Variants in FCGR2B observed in about 807,000 individuals in gnomAD.
FCGR2B encodes the protein Fc gamma receptor IIb.
Under a neutral mutation model 24.8 loss-of-function variants are expected in FCGR2B, and 18 were observed. The observed-to-expected ratio is 0.73, with a 90% CI of 0.50 to 1.08. FCGR2B has a LOEUF of 1.08. FCGR2B is among the 50% of genes least tolerant of loss of function. The pLI is 0.00. For synonymous variants in FCGR2B, 79 were observed against 109.8 expected (o/e 0.72, Z 1.75); for missense variants, 215 against 297.6 (o/e 0.72, Z 2.04).
rs1328570791 is a variant in FCGR2B at position 161,677,620 on chromosome 1, T to C, written c.*67T>C. On this transcript the variant is annotated 3_prime_UTR_variant, in exon 8 of 8. Transcript: ENST00000358671. ...AGGGAAGATCTGGTATTTCCTGGCC[T>C]AAATTCCCCTTGGGGAGGACAGGGA... The C allele has an allele frequency of 6.2e-6, 8 of 1,287,882 alleles. No individual in the cohort carries two copies. The highest frequency in any genetic ancestry group is 8.9e-6 in the Non-Finnish European group (8 of 895,744). The allele number at this position is 1,287,882 out of a possible 1,614,324, so 79.8% of individuals were successfully genotyped here.
chr1:161,653,074 T>A, the FCGR2B span, among the ~76,000 whole-genome samples: 5 of 134,066 alleles, frequency 3.7e-5, no homozygotes, highest in African/African-American at 1.3e-4. Flanking sequence ...GTTTATCTGT[T>A]GTGAAATTGC....
At chr1:161,671,309 G>A (rs1488364103) in intron 2 of FCGR2B, 83 bp from the exon 3 acceptor site, 1 of 1,606,696 alleles carries the variant, frequency 6.2e-7, no homozygotes, top group South Asian at 1.1e-5. Flanking sequence ...TAGGCCTACA[G>A]GTGCTTTTTT....
the FCGR2B span, among the ~76,000 whole-genome samples, chr1:161,649,705 A>C: frequency 6.7e-6 from 1 of 149,884 alleles, no homozygotes; most frequent in African/African-American, 2.5e-5. Flanking sequence ...TTGATCTTGC[A>C]CTTCGCAGCT....
intron 5 of FCGR2B, chr1:161,674,276 A>G (rs1421516089): frequency 5.0e-6 from 1 of 200,788 alleles, no homozygotes; most frequent in Non-Finnish European, 9.7e-6. Context: ...CCAATGCGTG[A>G]GACATGGTGG....
At chr1:161,675,432 G>C (rs752900892) in intron 6 of FCGR2B, 119 bp downstream of exon 6, 52 of 659,708 alleles carry the variant, frequency 7.9e-5, no homozygotes, top group Non-Finnish European at 1.1e-4. Flanking sequence ...AGCAGCAGTG[G>C]GAGGATGGCT....
At position 161,678,036 on chromosome 1, in the gene FCGR2B, A is replaced by G. The variant is rs1682287305; in HGVS notation, c.*483A>G. 4.6e-6 allele frequency: 1 copy of G among 215,610 alleles called. No homozygotes were observed. The allele number at this position is 215,610 out of a possible 1,614,324, so 13.4% of individuals were successfully genotyped here. ...ATAAAGATCATATATTACTTTTATA[A>G]TAAAACATTATAAAAACAACATTCT... On this transcript the variant is annotated 3_prime_UTR_variant, in exon 8 of 8. Coordinates refer to ENST00000358671, the MANE Select transcript of FCGR2B (RefSeq NM_001394477.1).
At chr1:161,661,187 A>G (rs1681002450), upstream of FCGR2B, among the ~76,000 whole-genome samples, 1 of 111,934 alleles carries the variant, frequency 8.9e-6, no homozygotes, top group Non-Finnish European at 1.8e-5. Flanking sequence ...GGAAGGAAGA[A>G]AGGAAAGAAA....
chr1:161,672,863 T>G lies in FCGR2B; in HGVS notation c.392-112T>G, dbSNP rs1681792084. ...GCATTAGAGTCCAGGACTGTCTGATTTCAGACCTAAGCTGTTCCCTCTGCA... is the reference window on the plus strand; with the variant it reads ...GCATTAGAGTCCAGGACTGTCTGATGTCAGACCTAAGCTGTTCCCTCTGCA... On this transcript the variant is annotated intron_variant, in intron 3 of 7. Transcript: ENST00000358671. 3 of 1,483,298 alleles carry G rather than the reference T, an allele frequency of 2.0e-6. No homozygotes were observed. The East Asian group carries it at 7.3e-5, about 36-fold the overall frequency. The allele number at this position is 1,483,298 out of a possible 1,614,324, so 91.9% of individuals were successfully genotyped here.
At chr1:161,672,951 TC>T (rs1681803981) in intron 3 of FCGR2B, 23 bp from the exon 4 acceptor site, 1 of 1,613,542 alleles carries the variant, frequency 6.2e-7, no homozygotes, top group Non-Finnish European at 8.5e-7. Context: ...TCCCGGGTCC[TC>T]TGCGGTTTTT....
chr1:161,656,339 C>A, the FCGR2B span, among the ~76,000 whole-genome samples: 4,344 of 133,776 alleles, frequency 0.032, 74 homozygotes, highest in African/African-American at 0.11. Flanking sequence ...CCCACCCCAT[C>A]TTTCTTACCT....
At chr1:161,672,801 A>C (rs1681784149) in intron 3 of FCGR2B, 174 bp from the exon 4 acceptor site, 1 of 1,077,558 alleles carries the variant, frequency 9.3e-7, no homozygotes, top group East Asian at 2.6e-5. Context: ...CAGAAGACTT[A>C]AATTATTTGC....
intron 4 of FCGR2B, 197 bp downstream of exon 4, chr1:161,673,426 G>T: frequency 1.3e-6 from 1 of 761,430 alleles, no homozygotes; most frequent in South Asian, 1.5e-5. Flanking sequence ...GCCCTCAGGT[G>T]ATAGGTGACC....
chr1:161,650,503 G>A, the FCGR2B span, among the ~76,000 whole-genome samples: 1 of 146,014 alleles, frequency 6.8e-6, no homozygotes, highest in Non-Finnish European at 1.5e-5. Context: ...TGTTGTGGGG[G>A]GCTATGCTCT....
At chr1:161,647,692 T>G in the FCGR2B span, among the ~76,000 whole-genome samples, 16 of 151,128 alleles carry the variant, frequency 1.1e-4, no homozygotes, top group Non-Finnish European at 1.9e-4. Context: ...CATTTCCTTG[T>G]AAACTGGATT....
chr1:161,672,923 C>T, intron 3 of FCGR2B, 52 bp from the exon 4 acceptor site: 1 of 1,608,662 alleles, frequency 6.2e-7, no homozygotes, highest in Middle Eastern at 1.8e-4. Context: ...ATCTGGGTCT[C>T]AGAGCTGAGC....
Position 161,669,590 on chromosome 1 carries a change from A to G in FCGR2B, c.113-662A>G, listed in dbSNP as rs538896462. Among the ~76,000 whole-genome samples the G allele has an allele frequency of 2.2e-5, 3 of 134,808 alleles. No individual in the cohort carries two copies. In the East Asian group the frequency reaches 5.9e-4, roughly 26 times the overall value. 88.4% of individuals were successfully genotyped at this position (134,808 alleles called of 152,430 possible). A position where few individuals can be genotyped will look rare whatever the true frequency, so the allele number is the denominator to read the frequency against. ...GTCCCCCCACAAAATAAAATAAAAT[A>G]AAATAAAATAAAATAAAATAAAATA... On this transcript the variant is annotated intron_variant, in intron 1 of 7. Coordinates refer to ENST00000358671, the MANE Select transcript of FCGR2B (RefSeq NM_001394477.1).
upstream of FCGR2B, among the ~76,000 whole-genome samples, chr1:161,661,256 A>G (rs1490385864): frequency 3.2e-5 from 1 of 31,690 alleles, no homozygotes; most frequent in South Asian, 9.9e-4. Flanking sequence ...GAAAGAAAGA[A>G]AGAAAGGAAG....
intron 3 of FCGR2B, chr1:161,672,292 C>T (rs367852239): frequency 1.3e-5 from 2 of 157,012 alleles, no homozygotes; most frequent in Non-Finnish European, 2.8e-5. Context: ...CTCTGTAAAG[C>T]AAAGTTACAA....
Position 161,678,487 on chromosome 1 carries a change from A to C in FCGR2B, c.*934A>C, listed in dbSNP as rs1452377754. 4.6e-6 allele frequency: 1 copy of C among 217,564 alleles called. No homozygotes were observed. The highest frequency in any genetic ancestry group is 5.8e-5 in the Admixed American group (1 of 17,232). The allele number at this position is 217,564 out of a possible 1,614,324, so 13.5% of individuals were successfully genotyped here. ...AGGCCACACCATTTAGGTTTGTATA[A>C]GTACCTGCTATGATGTTCACACAAC... On this transcript the variant is annotated 3_prime_UTR_variant, in exon 8 of 8. Coordinates refer to ENST00000358671, the MANE Select transcript of FCGR2B (RefSeq NM_001394477.1).
Sources: allele counts gnomAD v4.1 joint callset (sites outside exome capture counted in the v4.1 genomes callset), GRCh38; gene constraint gnomAD v4.1.1; transcripts MANE v1.5; gene names NCBI Gene and HGNC (gene_info 2026-07-23, HGNC 2026-07-21).